ROBO2: variants seen among roughly 807,000 people sequenced by gnomAD.
The protein encoded by ROBO2 is roundabout homolog 2.
ROBO2 carries 53 observed loss-of-function variants against 160.8 expected under a neutral mutation model. That is an observed-to-expected ratio of 0.33 (90% CI 0.26 to 0.41). The LOEUF (loss-of-function observed/expected upper bound fraction) is 0.41. Among genes scored for constraint, ROBO2 ranks in the 10% least tolerant of loss-of-function variants. The pLI is 1.00. For synonymous variants in ROBO2, 664 were observed against 611.7 expected (o/e 1.09, Z -1.26); for missense variants, 1,577 against 1,722.4 (o/e 0.92, Z 1.49).
intron 2 of ROBO2, among the ~76,000 whole-genome samples, chr3:76,806,214 CGTGTGTGTGT>C (rs71104623): frequency 1.1e-3 from 158 of 146,276 alleles, no homozygotes; most frequent in African/African-American, 3.6e-3. Context: ...TTTCTGTGTG[CGTGTGTGTGT>C]GTGTGTGTGT....
intron 2 of ROBO2, among the ~76,000 whole-genome samples, chr3:76,602,783 C>T (rs560683028): frequency 1.3e-5 from 2 of 151,032 alleles, no homozygotes; most frequent in Admixed American, 6.6e-5. Flanking sequence ...TGGGGACTCC[C>T]ACTGGGTTCC....
At chr3:76,175,897 T>G (rs765837966) in intron 2 of ROBO2, among the ~76,000 whole-genome samples, 70 of 152,284 alleles carry the variant, frequency 4.6e-4, no homozygotes, top group Non-Finnish European at 8.1e-4. Flanking sequence ...CTATGTAGTT[T>G]TTCTTTCCAC....
chr3:76,988,984 A>G (rs2060526674), intron 2 of ROBO2, among the ~76,000 whole-genome samples: 1 of 152,166 alleles, frequency 6.6e-6, no homozygotes, highest in South Asian at 2.1e-4. Flanking sequence ...TATAAATCAC[A>G]GTTTGTAGAA....
At chr3:76,886,539 A>C (rs1368288450) in intron 2 of ROBO2, among the ~76,000 whole-genome samples, 1 of 152,150 alleles carries the variant, frequency 6.6e-6, no homozygotes, top group Non-Finnish European at 1.5e-5. Context: ...CCTTCTTTGC[A>C]CTTCCGGTAG....
chr3:76,086,207 T>G (rs2108061533), intron 2 of ROBO2, among the ~76,000 whole-genome samples: 1 of 152,150 alleles, frequency 6.6e-6, no homozygotes, highest in Non-Finnish European at 1.5e-5. Context: ...AGCAAACACA[T>G]CTTTCTTCAT....
chr3:76,795,741 C>T (rs915454682), intron 2 of ROBO2, among the ~76,000 whole-genome samples: 2 of 152,120 alleles, frequency 1.3e-5, no homozygotes, highest in Non-Finnish European at 2.9e-5. Context: ...GACTTCCACT[C>T]ATGAGTCACA....
At chr3:77,081,181 G>A (rs1205226409) in intron 1 of ROBO2, among the ~76,000 whole-genome samples, 1 of 152,212 alleles carries the variant, frequency 6.6e-6, no homozygotes, top group Non-Finnish European at 1.5e-5. Flanking sequence ...TAGAAAAAAA[G>A]TTAAATGAAA....
chr3:76,920,052 T>C (rs34804559), intron 2 of ROBO2, among the ~76,000 whole-genome samples: 26,059 of 152,172 alleles, frequency 0.17, 2,551 homozygotes, highest in Non-Finnish European at 0.23. Context: ...AGTCCCTTGT[T>C]TAAACAGCAG....
intron 2 of ROBO2, among the ~76,000 whole-genome samples, chr3:76,560,695 C>T (rs1400548645): frequency 6.7e-6 from 1 of 149,790 alleles, no homozygotes; most frequent in East Asian, 1.9e-4. Flanking sequence ...AACCCTTTTT[C>T]CCCCACATAT....
intron 2 of ROBO2, among the ~76,000 whole-genome samples, chr3:77,337,801 G>T (rs1226146811): frequency 6.6e-6 from 1 of 152,102 alleles, no homozygotes; most frequent in Non-Finnish European, 1.5e-5. Flanking sequence ...GAAAGGTTTT[G>T]AATTACTTTC....
chr3:76,930,553 A>C (rs2077271777), intron 2 of ROBO2, among the ~76,000 whole-genome samples: 1 of 152,168 alleles, frequency 6.6e-6, no homozygotes, highest in Admixed American at 6.5e-5. Flanking sequence ...TGCAAAACAG[A>C]ACCAAGAGTA....
chr3:77,051,911 A>G (rs1024873571), intron 1 of ROBO2, among the ~76,000 whole-genome samples: 1 of 152,242 alleles, frequency 6.6e-6, no homozygotes, highest in Non-Finnish European at 1.5e-5. Flanking sequence ...CAGCAAGCGG[A>G]CACGCTGATA....
intron 2 of ROBO2, among the ~76,000 whole-genome samples, chr3:76,500,067 G>C (rs1264338322): frequency 6.6e-6 from 1 of 152,046 alleles, no homozygotes; most frequent in Non-Finnish European, 1.5e-5. Context: ...CCGGTGGAGG[G>C]GAGGTTTTAA....
At chr3:77,504,468 G>C (rs559909769) in intron 5 of ROBO2, among the ~76,000 whole-genome samples, 1 of 150,802 alleles carries the variant, frequency 6.6e-6, no homozygotes, top group South Asian at 2.1e-4. Flanking sequence ...CCCACTAACT[G>C]ACATTTTCTA....
chr3:76,125,245 C>A (rs1402295849), intron 2 of ROBO2, among the ~76,000 whole-genome samples: 1 of 152,050 alleles, frequency 6.6e-6, no homozygotes, highest in Non-Finnish European at 1.5e-5. Flanking sequence ...TCCAATCTAC[C>A]ATTGGTGGGC....
chr3:77,596,666 C>T lies in ROBO2; in HGVS notation c.2770C>T (p.Leu924Phe), dbSNP rs982912843. The change falls in exon 19 of 26, where the codon CTT becomes TTT. Residue 924 changes from leucine (L) to phenylalanine (F), a missense_variant. Leu to Phe is a conservative substitution (Grantham distance 22, BLOSUM62 0). This residue lies in a region of ROBO2 where 637 missense variants were observed against 586.9 expected (regional missense o/e 1.09). Transcript: ENST00000461745. ...TGCTGGTGATCCCAGCTATCCATGG[C>T]TTGCTGATTCTTGGCCAGCCACGAG... The T allele has an allele frequency of 1.2e-6, 2 of 1,613,942 alleles. No individual in the cohort carries two copies. Among genetic ancestry groups the T allele is most frequent in the African/African-American group, 2.7e-5 (2 of 75,000 alleles).
intron 2 of ROBO2, among the ~76,000 whole-genome samples, chr3:76,294,765 A>T (rs1284293055): frequency 6.6e-6 from 1 of 152,244 alleles, no homozygotes; most frequent in African/African-American, 2.4e-5. Context: ...CCTGGCCATT[A>T]GCTTTGCAGG....
In ROBO2 at chr3:77,536,859, A is replaced by G. The variant is rs190198375; in HGVS notation, c.935-9479A>G. On this transcript the variant is annotated intron_variant, in intron 6 of 25. Transcript: ENST00000461745. ...GCACTGGCCCAAGTATAAAATGGCT[A>G]TGTGCTTATAGCTGTTCATTACAAC... 2.2e-4 allele frequency among the ~76,000 whole-genome samples: 33 copies of G among 152,300 alleles called. No homozygotes were observed. In the East Asian group the frequency reaches 5.2e-3, roughly 24 times the overall value.
intron 2 of ROBO2, among the ~76,000 whole-genome samples, chr3:76,418,562 G>C (rs1337849953): frequency 6.6e-6 from 1 of 152,074 alleles, no homozygotes; most frequent in African/African-American, 2.4e-5. Flanking sequence ...CTTTGCTTTT[G>C]TTCTGTGTTG....
Sources: allele counts gnomAD v4.1 joint callset (sites outside exome capture counted in the v4.1 genomes callset), GRCh38; gene constraint gnomAD v4.1.1; regional missense constraint gnomAD v4.1.1; transcripts MANE v1.5; gene names NCBI Gene and HGNC (gene_info 2026-07-23, HGNC 2026-07-21).